ABL2: variants seen among roughly 807,000 people sequenced by gnomAD.
The protein encoded by ABL2 is tyrosine-protein kinase ABL2.
In ABL2, 49 loss-of-function variants were observed where a neutral mutation model predicts 107.7. The observed-to-expected ratio is 0.45, with a 90% CI of 0.36 to 0.58. ABL2 has a LOEUF of 0.58. ABL2 is among the 20% of genes least tolerant of loss of function. The pLI, the probability that ABL2 is intolerant of heterozygous loss-of-function variation, is 0.00. For synonymous variants in ABL2, 549 were observed against 548.6 expected, an observed-to-expected ratio of 1.00 and a Z score of -0.01; for missense variants, 1,245 against 1,457.0, an observed-to-expected ratio of 0.85 and a Z score of 2.37.
In ABL2 at chr1:179,169,568, C is replaced by A. The variant is rs1659598322; in HGVS notation, c.158-36194G>T. On this transcript the variant is annotated intron_variant, in intron 1 of 11. Coordinates refer to ENST00000502732, the MANE Select transcript of ABL2 (RefSeq NM_007314.4). ...ATCTCAAAATAAAAAAAAAAAAAGA[C>A]TAAGAGACATTAAACAGGTATGAGA... Among the ~76,000 whole-genome samples, 5 of 151,084 alleles carry A rather than the reference C, an allele frequency of 3.3e-5. No individual in the cohort carries two copies. In the South Asian group the frequency reaches 8.4e-4, roughly 25 times the overall value.
At chr1:179,229,054 T>C (rs1663389098) in intron 1 of ABL2, among the ~76,000 whole-genome samples, 187 bp downstream of exon 1, 1 of 151,990 alleles carries the variant, frequency 6.6e-6, no homozygotes, top group Non-Finnish European at 1.5e-5. Flanking sequence ...CCAGCCAGGC[T>C]AGAGACGCGA....
intron 7 of ABL2, 103 bp from the exon 8 acceptor site, chr1:179,117,619 G>T: frequency 8.7e-7 from 1 of 1,146,394 alleles, no homozygotes; most frequent in Non-Finnish European, 1.2e-6. Flanking sequence ...TTAAGTAAGT[G>T]CTGACAAATA....
At chr1:179,227,736 G>A (rs1663298855) in intron 1 of ABL2, among the ~76,000 whole-genome samples, 1 of 152,140 alleles carries the variant, frequency 6.6e-6, no homozygotes, top group Non-Finnish European at 1.5e-5. Flanking sequence ...ATACCCGAAA[G>A]AGACACTCAA....
At chr1:179,164,681 G>A (rs1659276690) in intron 1 of ABL2, among the ~76,000 whole-genome samples, 1 of 152,142 alleles carries the variant, frequency 6.6e-6, no homozygotes, top group Non-Finnish European at 1.5e-5. Context: ...CATTCCTCAA[G>A]ATCTACAATA....
At chr1:179,198,214 C>T (rs1196605937) in intron 1 of ABL2, among the ~76,000 whole-genome samples, 2 of 148,068 alleles carry the variant, frequency 1.4e-5, no homozygotes, top group Non-Finnish European at 3.0e-5. Context: ...TTTTGATACA[C>T]ACTCCTAGTT....
In ABL2 at chr1:179,206,200, T is replaced by C. The variant is rs576395308; in HGVS notation, c.157+23041A>G. On this transcript the variant is annotated intron_variant, in intron 1 of 11. Coordinates refer to ENST00000502732, the MANE Select transcript of ABL2 (RefSeq NM_007314.4). ...AGTACAATAATTAAAACTGTGATAT[T>C]GGCACATTATTTGACAGGCAAATTA... Among the ~76,000 whole-genome samples, 332 of 152,282 alleles carry C rather than the reference T, an allele frequency of 2.2e-3. 1 individual carries two copies. Among genetic ancestry groups the C allele is most frequent in the Non-Finnish European group, 4.5e-3 (304 of 68,024 alleles).
At chr1:179,187,812 CAT>C (rs1460535277) in intron 1 of ABL2, among the ~76,000 whole-genome samples, 1 of 152,080 alleles carries the variant, frequency 6.6e-6, no homozygotes, top group Non-Finnish European at 1.5e-5. Flanking sequence ...ATTTCAGACT[CAT>C]AACTAATCTC....
At chr1:179,161,633 G>A (rs1198259470) in intron 1 of ABL2, among the ~76,000 whole-genome samples, 1 of 152,154 alleles carries the variant, frequency 6.6e-6, no homozygotes, top group African/African-American at 2.4e-5. Context: ...ATTGCTTCAG[G>A]CTGAGAGATC....
At chr1:179,229,167 T>TCCCCCCCCCCCCCCCCC in intron 1 of ABL2, 74 bp downstream of exon 1, 2 of 402,572 alleles carry the variant, frequency 5.0e-6, no homozygotes, top group Non-Finnish European at 9.3e-6. Context: ...GGGCAGCCCG[T>TCCCCCCCCCCCCCCCCC]CCGCCACCCA....
At position 179,229,465 on chromosome 1, in the gene ABL2, G is replaced by A. The variant is rs1167046858; in HGVS notation, c.-68C>T. On this transcript the variant is annotated 5_prime_UTR_variant, in exon 1 of 12. Coordinates refer to ENST00000502732, the MANE Select transcript of ABL2 (RefSeq NM_007314.4). ...ACATTCCTCCTCGGCTCCGGCCTCGGGCTCCTGGCGCTGCTCCGGTCTCTC... is the reference window on the plus strand; with the variant it reads ...ACATTCCTCCTCGGCTCCGGCCTCGAGCTCCTGGCGCTGCTCCGGTCTCTC... The A allele has an allele frequency of 2.9e-6, 4 of 1,402,472 alleles. No individual in the cohort carries two copies. In the Middle Eastern group the frequency reaches 7.9e-4, roughly 277 times the overall value. The allele number at this position is 1,402,472 out of a possible 1,614,324, so 86.9% of individuals were successfully genotyped here. A position where few individuals can be genotyped will look rare whatever the true frequency, so the allele number is the denominator to read the frequency against.
intron 1 of ABL2, among the ~76,000 whole-genome samples, chr1:179,212,866 G>A (rs952700945): frequency 6.6e-6 from 1 of 151,522 alleles, no homozygotes; most frequent in Non-Finnish European, 1.5e-5. Context: ...GACCAACATG[G>A]AGAAACCCTG....
chr1:179,228,810 T>G (rs950942355), intron 1 of ABL2, among the ~76,000 whole-genome samples: 3 of 152,182 alleles, frequency 2.0e-5, no homozygotes, highest in African/African-American at 7.2e-5. Flanking sequence ...CACAATCTCC[T>G]GAAATTCAGT....
At chr1:179,124,658 A>G (rs12729760) in intron 4 of ABL2, among the ~76,000 whole-genome samples, 1 of 151,814 alleles carries the variant, frequency 6.6e-6, no homozygotes, top group Non-Finnish European at 1.5e-5. Flanking sequence ...TAGTAGAGAC[A>G]GGGTTTCACC....
At chr1:179,206,672 T>C (rs140036158) in intron 1 of ABL2, among the ~76,000 whole-genome samples, 23 of 152,254 alleles carry the variant, frequency 1.5e-4, no homozygotes, top group African/African-American at 5.1e-4. Flanking sequence ...AACTGGTGAT[T>C]TGGATTGCCA....
In ABL2 at chr1:179,103,469, A is replaced by G; in HGVS notation, c.*4249T>C. 1 of 205,932 alleles carries G rather than the reference A, an allele frequency of 4.9e-6. No individual in the cohort carries two copies. The highest frequency in any genetic ancestry group is 9.9e-6 in the Non-Finnish European group (1 of 100,880). 12.8% of individuals were successfully genotyped at this position (205,932 alleles called of 1,614,324 possible). A position where few individuals can be genotyped will look rare whatever the true frequency, so the allele number is the denominator to read the frequency against. On this transcript the variant is annotated 3_prime_UTR_variant, in exon 12 of 12. Transcript: ENST00000502732. ...TAGTCATTAAAATAATGTGAACAAT[A>G]AAGTTTTTTTAAAGAAAAGGGAATG... is the stretch of plus-strand genomic sequence containing the variant.
intron 1 of ABL2, chr1:179,143,114 A>C (rs1657738343): frequency 6.4e-7 from 1 of 1,571,742 alleles, no homozygotes. Context: ...CCATTCTCTG[A>C]CAAGCAATAC....
intron 6 of ABL2, among the ~76,000 whole-genome samples, chr1:179,119,410 T>C (rs1455625771): frequency 6.6e-6 from 1 of 151,780 alleles, no homozygotes; most frequent in Non-Finnish European, 1.5e-5. Flanking sequence ...GTGATGCACG[T>C]TGAGGCACGA....
chr1:179,181,768 T>C (rs1057381349), intron 1 of ABL2, among the ~76,000 whole-genome samples: 3 of 151,882 alleles, frequency 2.0e-5, no homozygotes, highest in African/African-American at 7.2e-5. Flanking sequence ...CTATCTTTTT[T>C]TAATTTTTAT....
chr1:179,213,604 ACTT>A (rs1662404864), intron 1 of ABL2, among the ~76,000 whole-genome samples: 1 of 152,096 alleles, frequency 6.6e-6, no homozygotes, highest in Non-Finnish European at 1.5e-5. Context: ...CCTGGCCAAT[ACTT>A]CTCAGTTAGG....
Sources: gnomAD v4.1 joint callset for allele counts (sites outside exome capture counted in the v4.1 genomes callset) on GRCh38, gnomAD v4.1.1 for gene constraint, MANE v1.5 for transcripts, NCBI Gene and HGNC (gene_info 2026-07-23, HGNC 2026-07-21) for gene names.